ZFC3H1: variants seen among roughly 807,000 people sequenced by gnomAD.
ZFC3H1 encodes zinc finger C3H1-type containing.
Under a neutral mutation model 243.7 loss-of-function variants are expected in ZFC3H1, and 71 were observed. The observed-to-expected ratio is 0.29, with a 90% CI of 0.24 to 0.36. ZFC3H1 has a LOEUF of 0.36. Ranked by LOEUF, ZFC3H1 falls within the 10% of genes least tolerant of loss-of-function variation. ZFC3H1 has a pLI of 1.00. For synonymous variants in ZFC3H1, 838 were observed against 813.0 expected, an observed-to-expected ratio of 1.03 and a Z score of -0.52; for missense variants, 1,966 against 2,317.1, an observed-to-expected ratio of 0.85 and a Z score of 3.11.
intron 25 of ZFC3H1, 25 bp from the exon 26 acceptor site, chr12:71,620,149 C>G: frequency 6.2e-7 from 1 of 1,608,856 alleles, no homozygotes; most frequent in Non-Finnish European, 8.5e-7. Context: ...AAAAAAAAGG[C>G]TAAAGACATG....
At chr12:71,611,945 G>T in intron 31 of ZFC3H1, 58 bp from the exon 32 acceptor site, 1 of 1,022,704 alleles carries the variant, frequency 9.8e-7, no homozygotes, top group South Asian at 1.4e-5. Context: ...AACCCCAAAT[G>T]TGCTCTATGA....
intron 2 of ZFC3H1, among the ~76,000 whole-genome samples, chr12:71,652,221 C>T (rs1880907519): frequency 6.6e-6 from 1 of 152,146 alleles, no homozygotes; most frequent in African/African-American, 2.4e-5. Context: ...ATTCAGATGA[C>T]ATTTTAGTTC....
At chr12:71,661,643 G>A (rs1881180579) in intron 1 of ZFC3H1, among the ~76,000 whole-genome samples, 1 of 151,874 alleles carries the variant, frequency 6.6e-6, no homozygotes, top group African/African-American at 2.4e-5. Flanking sequence ...CACCACGCCT[G>A]GCTAACTTTT....
intron 18 of ZFC3H1, 86 bp downstream of exon 18, chr12:71,630,514 T>A: frequency 6.7e-7 from 1 of 1,485,164 alleles, no homozygotes; most frequent in Non-Finnish European, 9.1e-7. Flanking sequence ...ATAGTAAGTA[T>A]TTTACAATGT....
chr12:71,633,227 T>C (rs1460400424), intron 13 of ZFC3H1, 37 bp downstream of exon 13: 2 of 1,527,188 alleles, frequency 1.3e-6, no homozygotes, highest in Non-Finnish European at 1.8e-6. Flanking sequence ...TAAAAATGTG[T>C]AGTAAACAGG....
In ZFC3H1 at chr12:71,630,937, C is replaced by A; in HGVS notation, c.3488G>T (p.Arg1163Leu). 3 of 1,611,044 alleles carry A rather than the reference C, an allele frequency of 1.9e-6. No individual in the cohort carries two copies. The highest frequency in any genetic ancestry group is 1.1e-5 in the South Asian group (1 of 90,700). ...FKSYRFSPYY[R>L]TKEKLPLSSV... is the part of the protein sequence containing the mutation. ...GCTCAGGGGAAGTTTTTCCTTGGTT[C>A]GATAATATGGACTAAATCTAAGGTG... Residue 1163 changes from arginine to leucine, a missense_variant, in exon 17 of 35, where the codon CGA (arginine) becomes CTA (leucine). By Grantham distance (102) the Arg-to-Leu change is moderately radical. Transcript: ENST00000378743.
At chr12:71,626,610 A>G (rs1880173702) in intron 21 of ZFC3H1, among the ~76,000 whole-genome samples, 164 bp from the exon 22 acceptor site, 1 of 152,246 alleles carries the variant, frequency 6.6e-6, no homozygotes. Context: ...ATTTTAAATC[A>G]CATGCCTAAA....
At chr12:71,613,012 C>T (rs1385806451) in intron 31 of ZFC3H1, among the ~76,000 whole-genome samples, 1 of 152,070 alleles carries the variant, frequency 6.6e-6, no homozygotes, top group Admixed American at 6.6e-5. Context: ...AATAATATTC[C>T]CTTGCCGTGG....
At chr12:71,653,505 G>A (rs1053161843) in intron 2 of ZFC3H1, among the ~76,000 whole-genome samples, 5 of 152,162 alleles carry the variant, frequency 3.3e-5, no homozygotes, top group Non-Finnish European at 7.3e-5. Context: ...ACCACTGCAA[G>A]ATCCAATCCA....
At chr12:71,650,320 G>C (rs918535261) in intron 2 of ZFC3H1, among the ~76,000 whole-genome samples, 1 of 152,066 alleles carries the variant, frequency 6.6e-6, no homozygotes, top group Non-Finnish European at 1.5e-5. Context: ...ACAAATTTCA[G>C]ACAATAAATA....
In ZFC3H1 at chr12:71,619,828, G is replaced by GTTC. The variant is rs532301268; in HGVS notation, c.5049+97_5049+98insGAA. 1.7e-4 allele frequency: 194 copies of GTTC among 1,119,318 alleles called. No individual in the cohort carries two copies. The African/African-American group carries it at 2.8e-3, about 16-fold the overall frequency. The allele number at this position is 1,119,318 out of a possible 1,614,324, so 69.3% of individuals were successfully genotyped here. A position where few individuals can be genotyped will look rare whatever the true frequency, so the allele number is the denominator to read the frequency against. ...AGAGAAGGAACACCTAACACTGCTT[G>GTTC]CAAAGGGTAAAAGGACCAGGAAACA... On this transcript the variant is annotated intron_variant, in intron 26 of 34. Transcript: ENST00000378743.
At chr12:71,645,367 T>C (rs1193110793) in intron 3 of ZFC3H1, among the ~76,000 whole-genome samples, 1 of 152,050 alleles carries the variant, frequency 6.6e-6, no homozygotes, top group Non-Finnish European at 1.5e-5. Flanking sequence ...AAAGAGTTAG[T>C]AGCTAACATT....
At chr12:71,649,771 A>C (rs745363330) in intron 2 of ZFC3H1, among the ~76,000 whole-genome samples, 2 of 152,224 alleles carry the variant, frequency 1.3e-5, no homozygotes, top group Admixed American at 1.3e-4. Context: ...AGTCATGAGA[A>C]ATCTACTGGT....
rs531786073 is a variant in ZFC3H1 at position 71,621,062 on chromosome 12, T to C, written c.4745-747A>G. ...AATTTCTTCTTGCCTCTGCTTCCAA[T>C]AGATTGTTTAAATTTCCTCTTAGTC... On this transcript the variant is annotated intron_variant, in intron 24 of 34. Coordinates refer to ENST00000378743, the MANE Select transcript of ZFC3H1 (RefSeq NM_144982.5). Among the ~76,000 whole-genome samples, 61 of 152,326 alleles carry C rather than the reference T, an allele frequency of 4.0e-4. No homozygotes were observed. The South Asian group carries it at 6.2e-3, about 16-fold the overall frequency.
At position 71,619,971 on chromosome 12, in the gene ZFC3H1, C is replaced by T; in HGVS notation, c.5004G>A (p.Gln1668=). The stretch of plus-strand genomic sequence containing the variant: ...ACATATGATAAAAAACCTCTGCATT[C>T]TGAGGATTTTTTTCAAATGCAGTAA... ...VWLTAFEKNP[Q]NAEVFYHMCK... The change falls in exon 26 of 35, where the codon CAG becomes CAA. Residue 1668 remains glutamine (Q), a synonymous_variant. Coordinates refer to ENST00000378743, the MANE Select transcript of ZFC3H1 (RefSeq NM_144982.5). 1.9e-6 allele frequency: 3 copies of T among 1,603,392 alleles called. No individual in the cohort carries two copies. Among genetic ancestry groups the T allele is most frequent in the Non-Finnish European group, 2.6e-6 (3 of 1,173,032 alleles).
chr12:71,610,430 A>G lies in ZFC3H1; in HGVS notation c.5968T>C (p.Ter1990ArgextTer11). 6.2e-7 allele frequency: 1 copy of G among 1,612,840 alleles called. No individual in the cohort carries two copies. Among genetic ancestry groups the G allele is most frequent in the South Asian group, 1.1e-5 (1 of 90,984 alleles). Residue 1990 changes from the stop codon to arginine (R), a stop_lost, in exon 35 of 35, where the codon TGA (stop) becomes CGA (arginine). Coordinates refer to ENST00000378743, the MANE Select transcript of ZFC3H1 (RefSeq NM_144982.5). ...NSNKTESKNH* is the reference protein window; with the variant it reads ...NSNKTESKNHR ...TTAGAACTGACTGCACCCAGTGTTC[A>G]GTGATTCTTGCTTTCTGTTTTGTTA...
chr12:71,646,301 C>T (rs1031261230), intron 3 of ZFC3H1, among the ~76,000 whole-genome samples: 29 of 152,094 alleles, frequency 1.9e-4, no homozygotes, highest in African/African-American at 6.3e-4. Context: ...GTCACTTAAA[C>T]GTATCAAATT....
At chr12:71,638,574 T>C in intron 6 of ZFC3H1, 59 bp from the exon 7 acceptor site, 1 of 1,329,722 alleles carries the variant, frequency 7.5e-7, no homozygotes, top group Admixed American at 2.4e-5. Flanking sequence ...AGGAATATAT[T>C]AAGTTTATGT....
Position 71,623,570 on chromosome 12 carries a change from T to C in ZFC3H1, c.4534A>G (p.Ile1512Val), listed in dbSNP as rs1351976964. 6.2e-7 allele frequency: 1 copy of C among 1,611,034 alleles called. No individual in the cohort carries two copies. Among genetic ancestry groups the C allele is most frequent in the Admixed American group, 1.7e-5 (1 of 59,146 alleles). ...QNALKSANDG[I>V]VAEYLKTSDR... is the part of the protein sequence containing the mutation. The stretch of plus-strand genomic sequence containing the variant: ...CTGGTTTTAAGGTATTCAGCTACTA[T>C]TCCATCATTAGCAGATTTCAATGCA... Residue 1512 changes from isoleucine (I) to valine (V), a missense_variant, in exon 24 of 35, where the codon ATA (isoleucine) becomes GTA (valine). Coordinates refer to ENST00000378743, the MANE Select transcript of ZFC3H1 (RefSeq NM_144982.5).
Sources: allele counts gnomAD v4.1 joint callset (sites outside exome capture counted in the v4.1 genomes callset), GRCh38; gene constraint gnomAD v4.1.1; transcripts MANE v1.5; gene names NCBI Gene and HGNC (gene_info 2026-07-23, HGNC 2026-07-21).